The following PLPP1 variants were observed in gnomAD, a reference collection of about 807,000 sequenced individuals.
PLPP1 encodes lipid phosphate phosphohydrolase 1a.
In PLPP1, 24 loss-of-function variants were observed where a neutral mutation model predicts 31.2. That is an observed-to-expected ratio of 0.77 (90% CI 0.56 to 1.08). PLPP1 has a LOEUF of 1.08. Among genes scored for constraint, PLPP1 ranks in the 50% least tolerant of loss-of-function variants. PLPP1 has a pLI of 0.00. For missense variants in PLPP1, 319 were observed against 342.7 expected (o/e 0.93, Z 0.55); for synonymous variants, 146 against 126.3 (o/e 1.16, Z -1.05).
At chr5:55,505,445 C>T (rs1426008062) in intron 1 of PLPP1, among the ~76,000 whole-genome samples, 1 of 80,926 alleles carries the variant, frequency 1.2e-5, no homozygotes, top group African/African-American at 3.3e-5. Context: ...TCTATACACA[C>T]GCAAAAAAAA....
intron 3 of PLPP1, among the ~76,000 whole-genome samples, chr5:55,466,321 T>A (rs556975929): frequency 3.5e-4 from 54 of 152,310 alleles, no homozygotes; most frequent in African/African-American, 1.2e-3. Context: ...GGACCAGAGA[T>A]GTCTTGTTCA....
chr5:55,436,339 CA>C (rs1328139400), intron 4 of PLPP1, among the ~76,000 whole-genome samples: 7 of 152,070 alleles, frequency 4.6e-5, no homozygotes, highest in African/African-American at 1.4e-4. Context: ...AGGTCTTTCC[CA>C]TGCTGTTCTT....
chr5:55,437,007 G>A, intron 4 of PLPP1, among the ~76,000 whole-genome samples: 1 of 152,148 alleles, frequency 6.6e-6, no homozygotes, highest in Non-Finnish European at 1.5e-5. Context: ...TCCACTGTGT[G>A]AGGACATTCT....
At chr5:55,479,423 A>G (rs1752626890) in intron 1 of PLPP1, among the ~76,000 whole-genome samples, 1 of 152,258 alleles carries the variant, frequency 6.6e-6, no homozygotes. Context: ...GAAGAAAAAG[A>G]CCAAACCACA....
intron 1 of PLPP1, among the ~76,000 whole-genome samples, chr5:55,530,905 C>T (rs1052333530): frequency 1.3e-5 from 2 of 152,184 alleles, no homozygotes; most frequent in Non-Finnish European, 2.9e-5. Context: ...GCGATGGTGA[C>T]AGCGGCAGCG....
At chr5:55,434,370 A>C (rs1257396675) in intron 4 of PLPP1, among the ~76,000 whole-genome samples, 1 of 152,104 alleles carries the variant, frequency 6.6e-6, no homozygotes, top group East Asian at 1.9e-4. Flanking sequence ...GCAATCTACA[A>C]ATTTAATGCA....
intron 1 of PLPP1, among the ~76,000 whole-genome samples, chr5:55,485,633 T>C (rs1455441047): frequency 1.3e-5 from 2 of 151,904 alleles, no homozygotes; most frequent in Non-Finnish European, 2.9e-5. Flanking sequence ...TTTTAAAAAA[T>C]AAAAATAGGC....
intron 1 of PLPP1, chr5:55,490,933 T>C: frequency 6.3e-7 from 1 of 1,593,512 alleles, no homozygotes. Flanking sequence ...AACAAACCCA[T>C]CACTACCTAC....
intron 5 of PLPP1, 67 bp downstream of exon 5, chr5:55,425,796 T>C: frequency 7.2e-7 from 1 of 1,386,410 alleles, no homozygotes; most frequent in East Asian, 2.4e-5. Flanking sequence ...TTTGGATTTT[T>C]TTTTTCTATT....
Position 55,534,530 on chromosome 5 carries a change from GACAGCCGCACACGCCCCTCGGA to G in PLPP1, c.58+20_58+41del. ...CGGCTCTGCGCTAAAGCCCTCCCGGGACAGCCGCACACGCCCCTCGGACCCGGCGGCGCGTACGTACCCAGCA... is the reference window on the plus strand; with the variant it reads ...CGGCTCTGCGCTAAAGCCCTCCCGGGCCCGGCGGCGCGTACGTACCCAGCA... On this transcript the variant is annotated intron_variant, in intron 1 of 5. Transcript: ENST00000307259. The G allele has an allele frequency of 2.0e-6, 3 of 1,515,412 alleles. No individual in the cohort carries two copies. Among genetic ancestry groups the G allele is most frequent in the Non-Finnish European group, 2.6e-6 (3 of 1,132,328 alleles). 93.9% of individuals were successfully genotyped at this position (1,515,412 alleles called of 1,614,324 possible).
intron 3 of PLPP1, among the ~76,000 whole-genome samples, chr5:55,459,718 C>T (rs561459580): frequency 3.4e-4 from 52 of 152,230 alleles, no homozygotes; most frequent in African/African-American, 1.2e-3. Context: ...TATTGTTAGC[C>T]CTTGAACAAC....
chr5:55,527,380 C>G (rs1466305611), intron 1 of PLPP1, among the ~76,000 whole-genome samples: 1 of 152,204 alleles, frequency 6.6e-6, no homozygotes, highest in Non-Finnish European at 1.5e-5. Context: ...AGATTTTACT[C>G]TATACCCATT....
intron 3 of PLPP1, among the ~76,000 whole-genome samples, chr5:55,455,837 C>A (rs1471822350): frequency 6.6e-6 from 1 of 152,144 alleles, no homozygotes; most frequent in African/African-American, 2.4e-5. Flanking sequence ...AAGCCCCATG[C>A]TAAATCTTCT....
intron 1 of PLPP1, among the ~76,000 whole-genome samples, chr5:55,526,931 CAAAAAA>C (rs34267008): frequency 1.2e-3 from 94 of 75,502 alleles, no homozygotes; most frequent in Middle Eastern, 8.2e-3. Flanking sequence ...GATTCCATCT[CAAAAAA>C]AAAAAAAAAA....
chr5:55,485,735 T>C (rs1174867567), intron 1 of PLPP1, among the ~76,000 whole-genome samples: 1 of 152,176 alleles, frequency 6.6e-6, no homozygotes, highest in Non-Finnish European at 1.5e-5. Context: ...ATAATCCCAC[T>C]ATTCAGAAAG....
intron 3 of PLPP1, among the ~76,000 whole-genome samples, chr5:55,448,347 A>G (rs1393902876): frequency 1.3e-5 from 2 of 151,944 alleles, no homozygotes; most frequent in Non-Finnish European, 2.9e-5. Context: ...AAAATGTATT[A>G]TGTGACCCAG....
intron 1 of PLPP1, among the ~76,000 whole-genome samples, chr5:55,519,852 G>C (rs553612191): frequency 6.6e-6 from 1 of 151,924 alleles, no homozygotes; most frequent in African/African-American, 2.4e-5. Flanking sequence ...CCTAAAATTA[G>C]GACAACCTCA....
At chr5:55,448,281 ACT>A (rs1254088994) in intron 3 of PLPP1, among the ~76,000 whole-genome samples, 1 of 152,088 alleles carries the variant, frequency 6.6e-6, no homozygotes, top group Admixed American at 6.5e-5. Flanking sequence ...GAAAATGAGC[ACT>A]CTCATATTGC....
chr5:55,519,594 C>A (rs1362111095), intron 1 of PLPP1, among the ~76,000 whole-genome samples: 1 of 151,630 alleles, frequency 6.6e-6, no homozygotes. Context: ...ACTAAAAATC[C>A]AAAAAATTAG....
Sources: gnomAD v4.1 joint callset for allele counts (sites outside exome capture counted in the v4.1 genomes callset) on GRCh38, gnomAD v4.1.1 for gene constraint, MANE v1.5 for transcripts, NCBI Gene and HGNC (gene_info 2026-07-23, HGNC 2026-07-21) for gene names.